ATXN7: variants seen among roughly 807,000 people sequenced by gnomAD.
ATXN7 encodes the protein ataxin-7.
Under a neutral mutation model 70.5 loss-of-function variants are expected in ATXN7, and 12 were observed. That is an observed-to-expected ratio of 0.17 (90% confidence interval 0.11 to 0.28). The LOEUF is 0.28. ATXN7 is among the 10% of genes least tolerant of loss of function. The probability of loss-of-function intolerance (pLI) is 1.00; values close to 1 mark genes in which losing one functional copy is unlikely to be tolerated. For missense variants in ATXN7, 1,256 were observed against 1,131.7 expected (o/e 1.11, Z -1.58); for synonymous variants, 498 against 448.7 (o/e 1.11, Z -1.39).
chr3:63,941,886 T>G (rs2074774914), intron 4 of ATXN7, among the ~76,000 whole-genome samples: 1 of 152,248 alleles, frequency 6.6e-6, no homozygotes, highest in South Asian at 2.1e-4. Flanking sequence ...ATTTAAAACT[T>G]TAAAAATATC....
chr3:63,888,709 G>A (rs1703164477), intron 1 of ATXN7, among the ~76,000 whole-genome samples: 1 of 152,184 alleles, frequency 6.6e-6, no homozygotes, highest in Non-Finnish European at 1.5e-5. Flanking sequence ...CTGGGAGGCA[G>A]AGGTTGCAGT....
intron 4 of ATXN7, 151 bp downstream of exon 4, chr3:63,913,376 G>C: frequency 1.2e-6 from 1 of 845,786 alleles, no homozygotes. Flanking sequence ...AGGGGGCAGA[G>C]CGCTTGGAAA....
chr3:63,880,612 T>C (rs917469274), intron 1 of ATXN7, among the ~76,000 whole-genome samples: 1 of 152,180 alleles, frequency 6.6e-6, no homozygotes, highest in African/African-American at 2.4e-5. Context: ...TCTTCCTCAA[T>C]GTCTTTTCTA....
chr3:63,921,890 C>G (rs1015917283), intron 4 of ATXN7, among the ~76,000 whole-genome samples: 1 of 152,174 alleles, frequency 6.6e-6, no homozygotes, highest in African/African-American at 2.4e-5. Flanking sequence ...CGCCTTTAAT[C>G]AAGTCATCAG....
chr3:63,970,336 G>A (rs1211283170), intron 5 of ATXN7, among the ~76,000 whole-genome samples: 1 of 152,076 alleles, frequency 6.6e-6, no homozygotes, highest in Non-Finnish European at 1.5e-5. Flanking sequence ...GCATAAAAAG[G>A]GCGTCCTTCA....
At chr3:63,973,314 A>C (rs2075343508) in intron 5 of ATXN7, among the ~76,000 whole-genome samples, 1 of 152,158 alleles carries the variant, frequency 6.6e-6, no homozygotes, top group Admixed American at 6.5e-5. Flanking sequence ...AGGTGACCAT[A>C]AACAACCTGA....
chr3:63,875,309 C>G (rs1316730778), intron 1 of ATXN7, among the ~76,000 whole-genome samples: 3 of 152,002 alleles, frequency 2.0e-5, no homozygotes, highest in Non-Finnish European at 4.4e-5. Context: ...CCATGCTGGT[C>G]TTGAACTCCT....
intron 1 of ATXN7, among the ~76,000 whole-genome samples, chr3:63,889,602 A>G (rs759127644): frequency 9.2e-5 from 14 of 152,220 alleles, no homozygotes; most frequent in African/African-American, 1.7e-4. Flanking sequence ...AGAATATTCT[A>G]GGATCTATAG....
intron 6 of ATXN7, among the ~76,000 whole-genome samples, chr3:63,981,376 A>G (rs1328616948): frequency 6.6e-6 from 1 of 152,266 alleles, no homozygotes; most frequent in Non-Finnish European, 1.5e-5. Context: ...CCAGCTTAAC[A>G]GCTGTTAGAG....
Position 63,990,812 on chromosome 3 carries a change from C to T in ATXN7, c.1635C>T (p.Cys545=), listed in dbSNP as rs768768828. 10 of 1,614,078 alleles carry T rather than the reference C, an allele frequency of 6.2e-6. No individual in the cohort carries two copies. The highest frequency in any genetic ancestry group is 3.3e-5 in the Admixed American group (2 of 60,002). ...ACTCCAGGTGGAATCGACTTCGCTG[C>T]GCCCTCAACCTCATGGTGGAGAAGC... ...VFDSRWNRLR[C]ALNLMVEKHL... Residue 545 remains cysteine (C), a synonymous_variant, in exon 11 of 13, where the codon TGC becomes TGT. Coordinates refer to ENST00000674280, the MANE Select transcript of ATXN7 (RefSeq NM_001377405.1).
At position 63,979,933 on chromosome 3, in the gene ATXN7, C is replaced by A. The variant is rs376789146; in HGVS notation, c.518C>A (p.Ser173Tyr). Reference sequence around the variant, plus strand: ...TTTTCAGAAAGAAGACATAGCTCATCCAGCAAGCCGCCTTTGGCCGTTCCT... The same window carrying A: ...TTTTCAGAAAGAAGACATAGCTCATACAGCAAGCCGCCTTTGGCCGTTCCT... ...QSHYERRHSS[S>Y]SKPPLAVPPT... The change falls in exon 6 of 13, where the codon TCC becomes TAC. Residue 173 changes from serine (S) to tyrosine (Y), a missense_variant. By Grantham distance (144) the Ser-to-Tyr change is moderately radical. Coordinates refer to ENST00000674280, the MANE Select transcript of ATXN7 (RefSeq NM_001377405.1). The A allele has an allele frequency of 1.9e-6, 3 of 1,614,062 alleles. No homozygotes were observed. The highest frequency in any genetic ancestry group is 2.5e-6 in the Non-Finnish European group (3 of 1,180,028).
At chr3:63,988,503 C>T (rs1425748709) in intron 9 of ATXN7, 179 bp downstream of exon 9, 2 of 811,214 alleles carry the variant, frequency 2.5e-6, no homozygotes, top group Admixed American at 3.2e-5. Flanking sequence ...AAGTTTCAAC[C>T]AGGGCTCCTC....
intron 1 of ATXN7, among the ~76,000 whole-genome samples, chr3:63,886,125 A>G (rs1482998780): frequency 6.6e-6 from 1 of 152,234 alleles, no homozygotes; most frequent in Non-Finnish European, 1.5e-5. Context: ...AACCTGGAGG[A>G]TATTAAGTGA....
At chr3:63,902,676 A>G (rs1703685102) in intron 2 of ATXN7, among the ~76,000 whole-genome samples, 1 of 152,104 alleles carries the variant, frequency 6.6e-6, no homozygotes, top group Admixed American at 6.5e-5. Flanking sequence ...CTCCATGAGG[A>G]AGAAGGAAAC....
intron 1 of ATXN7, among the ~76,000 whole-genome samples, chr3:63,896,105 T>C (rs1225443015): frequency 6.6e-6 from 1 of 152,104 alleles, no homozygotes; most frequent in Non-Finnish European, 1.5e-5. Flanking sequence ...TGACTTGGCA[T>C]GGAGTTGAGA....
chr3:63,883,165 A>G (rs1702969635), intron 1 of ATXN7, among the ~76,000 whole-genome samples: 1 of 152,144 alleles, frequency 6.6e-6, no homozygotes, highest in African/African-American at 2.4e-5. Context: ...TCATTATTGG[A>G]TTAATTGGAA....
intron 1 of ATXN7, among the ~76,000 whole-genome samples, chr3:63,881,724 G>A (rs764962919): frequency 9.9e-5 from 15 of 152,138 alleles, no homozygotes; most frequent in Non-Finnish European, 1.8e-4. Flanking sequence ...TCCTGACTTC[G>A]TGATTTGCCC....
intron 4 of ATXN7, among the ~76,000 whole-genome samples, chr3:63,951,122 A>C (rs1432580351): frequency 1.3e-5 from 2 of 152,220 alleles, no homozygotes; most frequent in African/African-American, 4.8e-5. Context: ...TGTAGAAACT[A>C]CTCGGTGCTG....
chr3:63,871,901 T>A (rs1702604713), intron 1 of ATXN7, among the ~76,000 whole-genome samples: 1 of 152,220 alleles, frequency 6.6e-6, no homozygotes, highest in African/African-American at 2.4e-5. Context: ...GCTTTAATTA[T>A]CAATTAAATT....
Sources: gnomAD v4.1 joint callset for allele counts (sites outside exome capture counted in the v4.1 genomes callset) on GRCh38, gnomAD v4.1.1 for gene constraint, MANE v1.5 for transcripts, NCBI Gene and HGNC (gene_info 2026-07-23, HGNC 2026-07-21) for gene names.